TYR: variants seen among roughly 807,000 people sequenced by gnomAD.
TYR encodes tyrosinase, also known as LB24-AB.
TYR carries 58 observed loss-of-function variants against 51.5 expected under a neutral mutation model. The ratio of observed to expected loss-of-function variants is 1.13; its 90% CI spans 0.91 to 1.40. The LOEUF (loss-of-function observed/expected upper bound fraction) is 1.40. Ranked by LOEUF, TYR falls within the 40% of genes most tolerant of loss-of-function variation. The pLI, the probability that TYR is intolerant of heterozygous loss-of-function variation, is 0.00. For synonymous variants in TYR, 263 were observed against 235.2 expected (o/e 1.12, Z -1.08); for missense variants, 732 against 647.4 (o/e 1.13, Z -1.42).
intron 1 of TYR, among the ~76,000 whole-genome samples, chr11:89,179,186 G>C (rs1203172903): frequency 6.6e-6 from 1 of 152,016 alleles, no homozygotes; most frequent in Non-Finnish European, 1.5e-5. Flanking sequence ...TTCACAACAG[G>C]ATTCATATGG....
chr11:89,206,559 G>A (rs1390011355), intron 2 of TYR, among the ~76,000 whole-genome samples: 3 of 152,090 alleles, frequency 2.0e-5, no homozygotes, highest in Non-Finnish European at 4.4e-5. Context: ...ATTCAATACT[G>A]CTGTTTAACC....
At chr11:89,253,624 C>A (rs185195681) in intron 3 of TYR, among the ~76,000 whole-genome samples, 1 of 151,708 alleles carries the variant, frequency 6.6e-6, no homozygotes, top group East Asian at 1.9e-4. Flanking sequence ...TGATTCTCAG[C>A]TTGGTTGCTG....
intron 2 of TYR, among the ~76,000 whole-genome samples, chr11:89,204,750 A>T (rs1444911898): frequency 6.6e-6 from 1 of 152,062 alleles, no homozygotes; most frequent in East Asian, 1.9e-4. Flanking sequence ...GTAGTCTCAT[A>T]AAATACCCAA....
intron 3 of TYR, among the ~76,000 whole-genome samples, chr11:89,244,914 G>A (rs956682351): frequency 1.3e-5 from 2 of 152,266 alleles, no homozygotes; most frequent in Admixed American, 6.5e-5. Context: ...AAAGCAAAAC[G>A]TAACTCTGCA....
chr11:89,241,933 A>C (rs1370774476), intron 3 of TYR, among the ~76,000 whole-genome samples: 1 of 150,864 alleles, frequency 6.6e-6, no homozygotes, highest in African/African-American at 2.4e-5. Flanking sequence ...TAAAGAAAAA[A>C]TAATTCACTT....
chr11:89,275,147 G>C (rs1035564122), intron 3 of TYR, among the ~76,000 whole-genome samples: 1 of 151,820 alleles, frequency 6.6e-6, no homozygotes, highest in Non-Finnish European at 1.5e-5. Flanking sequence ...TTAGACTACT[G>C]TTATTAGTGT....
At chr11:89,266,094 A>C (rs1944523478) in intron 3 of TYR, among the ~76,000 whole-genome samples, 1 of 151,988 alleles carries the variant, frequency 6.6e-6, no homozygotes, top group Admixed American at 6.6e-5. Context: ...GTTGTGATTA[A>C]GATGTCAGGT....
At chr11:89,264,744 A>C (rs12146614) in intron 3 of TYR, among the ~76,000 whole-genome samples, 14,572 of 151,494 alleles carry the variant, frequency 0.096, 885 homozygotes, top group South Asian at 0.16. Flanking sequence ...CCAAAAAAAA[A>C]AAACAAACAA....
At chr11:89,182,464 T>C (rs1943314056) in intron 1 of TYR, among the ~76,000 whole-genome samples, 1 of 152,150 alleles carries the variant, frequency 6.6e-6, no homozygotes, top group Non-Finnish European at 1.5e-5. Context: ...TAGTTCCATA[T>C]GTATGTCTGC....
At chr11:89,285,437 G>A (rs1489042418) in intron 4 of TYR, among the ~76,000 whole-genome samples, 4 of 151,692 alleles carry the variant, frequency 2.6e-5, no homozygotes, top group African/African-American at 9.7e-5. Flanking sequence ...GGGTTACCAA[G>A]AAAATTTGTA....
intron 3 of TYR, among the ~76,000 whole-genome samples, chr11:89,281,548 T>C (rs999108241): frequency 9.2e-5 from 14 of 151,752 alleles, no homozygotes; most frequent in African/African-American, 3.1e-4. Context: ...TCAGTGTTCC[T>C]ACCACTTTAG....
chr11:89,278,261 T>C (rs1197895475), intron 3 of TYR, among the ~76,000 whole-genome samples: 1 of 151,670 alleles, frequency 6.6e-6, no homozygotes, highest in African/African-American at 2.4e-5. Flanking sequence ...CATTAAATCC[T>C]GTTACCATGT....
intron 3 of TYR, among the ~76,000 whole-genome samples, chr11:89,248,831 A>G (rs1944298245): frequency 6.6e-6 from 1 of 152,190 alleles, no homozygotes; most frequent in Non-Finnish European, 1.5e-5. Context: ...AGAGGTGACA[A>G]TGGAGCTATT....
intron 4 of TYR, 69 bp from the exon 5 acceptor site, chr11:89,295,074 G>A (rs1014862026): frequency 3.1e-6 from 5 of 1,590,720 alleles, no homozygotes; most frequent in Non-Finnish European, 4.3e-6. Flanking sequence ...GACTGTGAAA[G>A]GATGAAGATG....
chr11:89,226,255 C>A (rs996071288), intron 2 of TYR, among the ~76,000 whole-genome samples: 62 of 152,068 alleles, frequency 4.1e-4, no homozygotes, highest in African/African-American at 1.5e-3. Flanking sequence ...CTGCTCTAAC[C>A]TTAATGTCTA....
At chr11:89,226,801 C>T (rs1418542430) in intron 2 of TYR, among the ~76,000 whole-genome samples, 2 of 152,032 alleles carry the variant, frequency 1.3e-5, no homozygotes, top group African/African-American at 2.4e-5. Context: ...TTTCTGCTTG[C>T]TTGATATTTC....
intron 3 of TYR, 88 bp downstream of exon 3, chr11:89,228,058 G>A: frequency 6.6e-7 from 1 of 1,526,704 alleles, no homozygotes; most frequent in Admixed American, 1.7e-5. Context: ...TTAAATAAAA[G>A]CTAAGAAGTT....
At chr11:89,225,278 T>C (rs1206755456) in intron 2 of TYR, among the ~76,000 whole-genome samples, 1 of 151,948 alleles carries the variant, frequency 6.6e-6, no homozygotes, top group Admixed American at 6.6e-5. Context: ...ATTTGAGTAG[T>C]AAGAACATTT....
At chr11:89,249,857 A>T (rs1278638963) in intron 3 of TYR, among the ~76,000 whole-genome samples, 4 of 152,056 alleles carry the variant, frequency 2.6e-5, no homozygotes, top group African/African-American at 9.7e-5. Context: ...GGTACTGGAG[A>T]TGTGAAATCT....
Sources: allele counts gnomAD v4.1 joint callset (sites outside exome capture counted in the v4.1 genomes callset), GRCh38; gene constraint gnomAD v4.1.1; transcripts MANE v1.5; gene names NCBI Gene and HGNC (gene_info 2026-07-23, HGNC 2026-07-21).